Variants in DLGAP2 observed in about 807,000 individuals in gnomAD.
The protein encoded by DLGAP2 is disks large-associated protein 2.
A neutral mutation model predicts 100.3 loss-of-function variants in DLGAP2; 26 were observed. That is an observed-to-expected ratio of 0.26 (90% CI 0.19 to 0.36). The LOEUF (loss-of-function observed/expected upper bound fraction) is 0.36. Ranked by LOEUF, DLGAP2 falls within the 10% of genes least tolerant of loss-of-function variation. The pLI, the probability that DLGAP2 is intolerant of heterozygous loss-of-function variation, is 1.00. For missense variants in DLGAP2, 1,858 were observed against 1,453.2 expected, an observed-to-expected ratio of 1.28 and a Z score of -4.53; for synonymous variants, 886 against 630.1, an observed-to-expected ratio of 1.41 and a Z score of -6.08.
chr8:1,561,478 C>T (rs1802159399), intron 5 of DLGAP2, among the ~76,000 whole-genome samples: 1 of 152,150 alleles, frequency 6.6e-6, no homozygotes, highest in South Asian at 2.1e-4. Flanking sequence ...AGCCTTTGGG[C>T]CTCTTGGAAT....
rs1246015803 is a variant in DLGAP2 at position 1,549,436 on chromosome 8, C to G, written c.983C>G (p.Pro328Arg). Residue 328 changes from proline (P) to arginine (R), a missense_variant, in exon 5 of 15, where the codon CCC (proline) becomes CGC (arginine). Physicochemically the swap from Pro to Arg is moderately radical, Grantham distance 103 (BLOSUM62 -2). Coordinates refer to ENST00000637795, the MANE Select transcript of DLGAP2 (RefSeq NM_001346810.2). ...CTGGGCCCCGTGGCCCACTGCTACC[C>G]CGACGCGCTGCAGAGCCCCTTCGGG... ...HHLGPVAHCY[P>R]DALQSPFGDL... The G allele has an allele frequency of 4.3e-6, 7 of 1,613,364 alleles. No homozygotes were observed. In the East Asian group the frequency reaches 6.7e-5, roughly 15 times the overall value.
chr8:1,478,158 T>C (rs947434169), intron 3 of DLGAP2, among the ~76,000 whole-genome samples: 11 of 152,240 alleles, frequency 7.2e-5, no homozygotes, highest in African/African-American at 2.7e-4. Context: ...TCTGGGTGTC[T>C]GTCCACTCTC....
At chr8:821,842 G>C (rs185018258) in intron 1 of DLGAP2, among the ~76,000 whole-genome samples, 1 of 152,338 alleles carries the variant, frequency 6.6e-6, no homozygotes, top group East Asian at 1.9e-4. Flanking sequence ...AATGGAAATA[G>C]TAGTTTCCAT....
chr8:1,509,073 C>G (rs1367002827), intron 4 of DLGAP2, among the ~76,000 whole-genome samples: 1 of 152,116 alleles, frequency 6.6e-6, no homozygotes, highest in East Asian at 1.9e-4. Context: ...TGGCTCACGC[C>G]TGTAATCTCA....
intron 2 of DLGAP2, among the ~76,000 whole-genome samples, chr8:951,964 C>G (rs1332044723): frequency 5.3e-5 from 8 of 152,224 alleles, no homozygotes; most frequent in Non-Finnish European, 8.8e-5. Flanking sequence ...GCCGTTTGCT[C>G]CTGCTGATCC....
In DLGAP2 at chr8:1,056,774, C is replaced by T. The variant is rs188905248; in HGVS notation, c.73+148808C>T. 8.1e-4 allele frequency among the ~76,000 whole-genome samples: 124 copies of T among 152,366 alleles called. 1 individual carries two copies. The highest frequency in any genetic ancestry group is 2.8e-3 in the African/African-American group (117 of 41,594). On this transcript the variant is annotated intron_variant, in intron 2 of 14. Transcript: ENST00000637795. Reference sequence around the variant, plus strand: ...TTCTTAATTTTGATCTCAGTTTCTTCAGTTGTAAAATGGGAATTCCAGCAC... The same window carrying T: ...TTCTTAATTTTGATCTCAGTTTCTTTAGTTGTAAAATGGGAATTCCAGCAC...
intron 1 of DLGAP2, among the ~76,000 whole-genome samples, chr8:853,300 A>G (rs1008343219): frequency 3.9e-5 from 6 of 152,348 alleles, no homozygotes; most frequent in Admixed American, 2.6e-4. Context: ...TGTTCCCCAC[A>G]GAGTCCCAGG....
At chr8:976,580 C>T (rs2129013262) in intron 2 of DLGAP2, among the ~76,000 whole-genome samples, 1 of 152,170 alleles carries the variant, frequency 6.6e-6, no homozygotes, top group East Asian at 1.9e-4. Flanking sequence ...CCACTGCTCT[C>T]CAGCCTGGGC....
chr8:802,902 G>A (rs1796199821), intron 1 of DLGAP2, among the ~76,000 whole-genome samples: 1 of 152,204 alleles, frequency 6.6e-6, no homozygotes, highest in African/African-American at 2.4e-5. Context: ...CTGTGTCCAG[G>A]AGGGGGTGTG....
chr8:1,602,078 G>C (rs1233467886), intron 6 of DLGAP2, among the ~76,000 whole-genome samples: 2 of 151,984 alleles, frequency 1.3e-5, no homozygotes, highest in South Asian at 2.1e-4. Flanking sequence ...CATGCAAGCT[G>C]CATTGAAGCA....
chr8:1,182,771 C>T (rs1200283997), intron 2 of DLGAP2, among the ~76,000 whole-genome samples: 3 of 152,160 alleles, frequency 2.0e-5, no homozygotes, highest in African/African-American at 7.2e-5. Flanking sequence ...TCGAGTCCAG[C>T]GCGCATGTGA....
intron 2 of DLGAP2, among the ~76,000 whole-genome samples, chr8:1,096,357 C>A (rs1804365880): frequency 1.3e-5 from 2 of 152,254 alleles, no homozygotes; most frequent in South Asian, 4.1e-4. Flanking sequence ...TAAATGCATT[C>A]CGGGGCATGT....
intron 2 of DLGAP2, among the ~76,000 whole-genome samples, chr8:1,167,454 C>G (rs1797039967): frequency 6.6e-6 from 1 of 152,162 alleles, no homozygotes; most frequent in Non-Finnish European, 1.5e-5. Context: ...AGCAGAGTTT[C>G]AGGGTTTTAT....
chr8:965,322 GC>G (rs1297409734), intron 2 of DLGAP2, among the ~76,000 whole-genome samples: 25 of 79,038 alleles, frequency 3.2e-4, no homozygotes, highest in African/African-American at 1.2e-3. Context: ...TGACCCCTGC[GC>G]TGCACACGGC....
chr8:984,800 C>G (rs1476721930), intron 2 of DLGAP2, among the ~76,000 whole-genome samples: 1 of 152,142 alleles, frequency 6.6e-6, no homozygotes, highest in Non-Finnish European at 1.5e-5. Flanking sequence ...TTGGTTAGGA[C>G]AATGAATGCA....
chr8:837,613 T>C (rs1796903362), intron 1 of DLGAP2, among the ~76,000 whole-genome samples: 1 of 151,900 alleles, frequency 6.6e-6, no homozygotes, highest in African/African-American at 2.4e-5. Context: ...CCATCCTGGC[T>C]TCCCAGGCTG....
chr8:915,641 G>C (rs540453015), intron 2 of DLGAP2, among the ~76,000 whole-genome samples: 1 of 152,022 alleles, frequency 6.6e-6, no homozygotes, highest in African/African-American at 2.4e-5. Context: ...TGGAATTCCC[G>C]AATCACACGG....
At chr8:925,110 G>A (rs1219321611) in intron 2 of DLGAP2, among the ~76,000 whole-genome samples, 1 of 152,018 alleles carries the variant, frequency 6.6e-6, no homozygotes, top group Non-Finnish European at 1.5e-5. Flanking sequence ...GGTGCGCGTG[G>A]GTGATGGCCA....
intron 2 of DLGAP2, among the ~76,000 whole-genome samples, chr8:967,408 T>A (rs753738132): frequency 6.6e-6 from 1 of 152,214 alleles, no homozygotes; most frequent in Non-Finnish European, 1.5e-5. Context: ...AGTAGATTAT[T>A]CTTACTCATT....
Sources: allele counts gnomAD v4.1 joint callset (sites outside exome capture counted in the v4.1 genomes callset), GRCh38; gene constraint gnomAD v4.1.1; transcripts MANE v1.5; gene names NCBI Gene and HGNC (gene_info 2026-07-23, HGNC 2026-07-21).